ZNF407: variants seen among roughly 807,000 people sequenced by gnomAD.
The protein encoded by ZNF407 is zinc finger protein 407.
In ZNF407, 17 loss-of-function variants were observed where a neutral mutation model predicts 131.2. The observed-to-expected ratio is 0.13, with a 90% CI of 0.09 to 0.19. The LOEUF (loss-of-function observed/expected upper bound fraction) is 0.19. Ranked by LOEUF, ZNF407 falls within the 10% of genes least tolerant of loss-of-function variation. The pLI is 1.00. For missense variants in ZNF407, 2,681 were observed against 2,830.6 expected, an observed-to-expected ratio of 0.95 and a Z score of 1.20; for synonymous variants, 1,156 against 1,062.0, an observed-to-expected ratio of 1.09 and a Z score of -1.72.
At chr18:74,655,660 A>G (rs1312040157) in intron 3 of ZNF407, among the ~76,000 whole-genome samples, 4 of 152,124 alleles carry the variant, frequency 2.6e-5, no homozygotes, top group Admixed American at 2.0e-4. Context: ...TCAGACTACT[A>G]TGTAATTTGT....
At chr18:74,680,425 C>A (rs1259252220) in intron 3 of ZNF407, among the ~76,000 whole-genome samples, 2 of 151,630 alleles carry the variant, frequency 1.3e-5, no homozygotes, top group African/African-American at 4.8e-5. Flanking sequence ...AATAGAACCC[C>A]CAAACAAGCC....
At chr18:74,767,340 G>A (rs530703620) in intron 3 of ZNF407, among the ~76,000 whole-genome samples, 68 of 152,138 alleles carry the variant, frequency 4.5e-4, no homozygotes, top group African/African-American at 1.4e-3. Context: ...TCTGCATCTC[G>A]CCAATGTTGC....
At chr18:74,837,142 A>G (rs1970570108) in intron 4 of ZNF407, among the ~76,000 whole-genome samples, 1 of 152,226 alleles carries the variant, frequency 6.6e-6, no homozygotes. Context: ...AAATGTGTTG[A>G]AAGTGTATTT....
rs576414743 is a variant in ZNF407 at position 74,923,754 on chromosome 18, G to A, written c.5428+3062G>A. 1.3e-3 allele frequency among the ~76,000 whole-genome samples: 193 copies of A among 152,186 alleles called. 1 individual carries two copies. The highest frequency in any genetic ancestry group is 1.9e-3 in the Non-Finnish European group (132 of 68,024). ...ACACATAATTATGAAATATTTCTTA[G>A]TAGCAATATCTCTTGCCATAATTCT... On this transcript the variant is annotated intron_variant, in intron 8 of 8. Coordinates refer to ENST00000299687, the MANE Select transcript of ZNF407 (RefSeq NM_017757.3).
At chr18:74,679,960 T>TTA (rs1212515143) in intron 3 of ZNF407, among the ~76,000 whole-genome samples, 2 of 152,252 alleles carry the variant, frequency 1.3e-5, no homozygotes, top group Non-Finnish European at 2.9e-5. Flanking sequence ...GATGGACCCG[T>TTA]TATTATGAAT....
intron 3 of ZNF407, among the ~76,000 whole-genome samples, chr18:74,679,707 C>G (rs184131771): frequency 6.6e-6 from 1 of 152,168 alleles, no homozygotes; most frequent in Non-Finnish European, 1.5e-5. Context: ...TTGCATCTCC[C>G]CATCATATAT....
chr18:74,635,004 A>G lies in ZNF407; in HGVS notation c.3985A>G (p.Ser1329Gly), dbSNP rs770255687. The G allele has an allele frequency of 6.2e-7, 1 of 1,614,068 alleles. No homozygotes were observed. The highest frequency in any genetic ancestry group is 1.7e-5 in the Admixed American group (1 of 60,032). Residue 1329 changes from serine (S) to glycine (G), a missense_variant, in exon 2 of 9, where the codon AGC (serine) becomes GGC (glycine). By Grantham distance (56) the Ser-to-Gly change is moderately conservative. Around this residue, in one of 6 missense-constraint regions of ZNF407, gnomAD observed 1,789 missense variants for 1,748.7 expected, o/e 1.02. Transcript: ENST00000299687. This position sits in a 1 kb window ranked among gnomAD's most constrained non-coding sequence, Gnocchi z 4.7. ...ILEEDGPASD[S>G]TVESSDVYET... ...GGAGGAGGATGGCCCAGCTTCTGAT[A>G]GCACAGTTGAAAGTAGTGATGTCTA...
chr18:75,024,511 T>C (rs1973149195), intron 8 of ZNF407, among the ~76,000 whole-genome samples: 1 of 152,248 alleles, frequency 6.6e-6, no homozygotes, highest in East Asian at 1.9e-4. Context: ...GTGTTCATTT[T>C]CAAATGTGCT....
At chr18:74,853,648 C>T (rs2145150101) in intron 4 of ZNF407, among the ~76,000 whole-genome samples, 1 of 152,338 alleles carries the variant, frequency 6.6e-6, no homozygotes, top group South Asian at 2.1e-4. Flanking sequence ...CGCTACCTGT[C>T]AGAACCATCT....
rs1969035480 is a variant in ZNF407, at chr18:74,759,228, TG to T, written c.4803-22199del. Among the ~76,000 whole-genome samples the T allele has an allele frequency of 2.0e-5, 3 of 152,308 alleles. No homozygotes were observed. The South Asian group carries it at 6.2e-4, about 32-fold the overall frequency. ...GTTTTTAATCTTATTGTGCATACTTTGTAATGGATGACTGACTTGACTCTGT... is the reference window on the plus strand; with the variant it reads ...GTTTTTAATCTTATTGTGCATACTTTTAATGGATGACTGACTTGACTCTGT... On this transcript the variant is annotated intron_variant, in intron 3 of 8. Coordinates refer to ENST00000299687, the MANE Select transcript of ZNF407 (RefSeq NM_017757.3).
Position 75,064,017 on chromosome 18 carries a change from A to G in ZNF407, c.6296A>G (p.Lys2099Arg). The change falls in exon 9 of 9, where the codon AAG (lysine) becomes AGG (arginine). Residue 2099 changes from lysine to arginine, a missense_variant. Physicochemically the swap from Lys to Arg is conservative, Grantham distance 26. Transcript: ENST00000299687. ...ACGGCCGCGGCCGGCCAGTTGGTCA[A>G]GGACGGTGTCACCCAGGTGGTGGTG... Reference protein sequence around the residue: ...CDTAAAGQLVKDGVTQVVVSE... With the variant: ...CDTAAAGQLVRDGVTQVVVSE... 1 of 1,607,468 alleles carries G rather than the reference A, an allele frequency of 6.2e-7. No individual in the cohort carries two copies. The highest frequency in any genetic ancestry group is 2.2e-5 in the East Asian group (1 of 44,524).
intron 3 of ZNF407, among the ~76,000 whole-genome samples, chr18:74,734,046 C>T (rs1367638318): frequency 6.6e-6 from 1 of 152,070 alleles, no homozygotes; most frequent in East Asian, 1.9e-4. Context: ...GTCAGAGGCC[C>T]ACATCGGTTC....
rs552508112 is a variant in ZNF407 at position 75,043,689 on chromosome 18, G to A, written c.5429-19461G>A. Among the ~76,000 whole-genome samples, 7 of 152,316 alleles carry A rather than the reference G, an allele frequency of 4.6e-5. No homozygotes were observed. In the South Asian group the frequency reaches 1.2e-3, roughly 27 times the overall value. On this transcript the variant is annotated intron_variant, in intron 8 of 8. Coordinates refer to ENST00000299687, the MANE Select transcript of ZNF407 (RefSeq NM_017757.3). Reference sequence around the variant, plus strand: ...GTTGTCTTAAAGCAGCAAAGTTTGGGTTTGCTTCTGTAGCAGCCATATCAG... The same window carrying A: ...GTTGTCTTAAAGCAGCAAAGTTTGGATTTGCTTCTGTAGCAGCCATATCAG...
At chr18:74,868,720 CT>C (rs1971047061) in intron 4 of ZNF407, among the ~76,000 whole-genome samples, 1 of 152,222 alleles carries the variant, frequency 6.6e-6, no homozygotes, top group African/African-American at 2.4e-5. Context: ...GTCCTTGAGA[CT>C]TGTCTGAAGC....
rs901226441 is a variant in ZNF407, at chr18:74,990,495, A to G, written c.5428+69803A>G. Among the ~76,000 whole-genome samples the G allele has an allele frequency of 2.6e-4, 40 of 152,244 alleles. 1 individual carries two copies. The highest frequency in any genetic ancestry group is 9.4e-4 in the African/African-American group (39 of 41,466). On this transcript the variant is annotated intron_variant, in intron 8 of 8. Coordinates refer to ENST00000299687, the MANE Select transcript of ZNF407 (RefSeq NM_017757.3). Reference sequence around the variant, plus strand: ...ATGCTATTAAACAATTTGAAACTGTATATGACAACAGAAATCTCTTTCAAA... The same window carrying G: ...ATGCTATTAAACAATTTGAAACTGTGTATGACAACAGAAATCTCTTTCAAA...
intron 1 of ZNF407, among the ~76,000 whole-genome samples, chr18:74,619,488 A>G (rs1385006876): frequency 6.6e-6 from 1 of 152,162 alleles, no homozygotes; most frequent in Non-Finnish European, 1.5e-5. Flanking sequence ...CCTTTTGAAA[A>G]AGATGAAAGG....
intron 8 of ZNF407, among the ~76,000 whole-genome samples, chr18:74,955,309 C>G (rs1329085167): frequency 6.6e-6 from 1 of 151,976 alleles, no homozygotes; most frequent in Non-Finnish European, 1.5e-5. Flanking sequence ...AATTCTGGGG[C>G]ATGGGGTAAA....
At chr18:74,713,754 T>C (rs1186803984) in intron 3 of ZNF407, among the ~76,000 whole-genome samples, 7 of 152,234 alleles carry the variant, frequency 4.6e-5, no homozygotes, top group African/African-American at 1.7e-4. Context: ...CTTACTGTTT[T>C]TTTAAATTAC....
At chr18:74,654,901 T>G (rs1000116820) in intron 3 of ZNF407, among the ~76,000 whole-genome samples, 1 of 151,902 alleles carries the variant, frequency 6.6e-6, no homozygotes, top group Non-Finnish European at 1.5e-5. Context: ...AAGATGAAGG[T>G]TGAATTACTA....
Sources: gnomAD v4.1 joint callset for allele counts (sites outside exome capture counted in the v4.1 genomes callset) on GRCh38, gnomAD v4.1.1 for gene constraint, gnomAD v4.1.1 regional missense constraint, Gnocchi (gnomAD v3.1) non-coding constraint, MANE v1.5 for transcripts, NCBI Gene and HGNC (gene_info 2026-07-23, HGNC 2026-07-21) for gene names.